Variants in ATP10A observed in about 807,000 individuals in gnomAD.
ATP10A encodes ATPase phospholipid transporting 10A (putative), also known as phospholipid-transporting ATPase VA.
A neutral mutation model predicts 147.8 loss-of-function variants in ATP10A; 111 were observed. The ratio of observed to expected loss-of-function variants is 0.75; its 90% confidence interval spans 0.64 to 0.88. The LOEUF (loss-of-function observed/expected upper bound fraction) is 0.88. ATP10A is among the 40% of genes least tolerant of loss of function. The pLI, the probability that ATP10A is intolerant of heterozygous loss-of-function variation, is 0.00. For synonymous variants in ATP10A, 875 were observed against 841.6 expected (o/e 1.04, Z -0.69); for missense variants, 1,927 against 1,959.0 (o/e 0.98, Z 0.31).
intron 2 of ATP10A, among the ~76,000 whole-genome samples, chr15:25,773,606 T>G (rs868324011): frequency 6.6e-6 from 1 of 152,148 alleles, no homozygotes; most frequent in Non-Finnish European, 1.5e-5. Flanking sequence ...TGCAGAGCAA[T>G]CCACTTCTGC....
chr15:25,777,441 G>T (rs888362265), intron 2 of ATP10A, among the ~76,000 whole-genome samples: 2 of 152,040 alleles, frequency 1.3e-5, no homozygotes, highest in Non-Finnish European at 2.9e-5. Flanking sequence ...AAGGCTTCTA[G>T]CAAGTTCCAC....
At chr15:25,829,653 C>G (rs898864564) in intron 1 of ATP10A, among the ~76,000 whole-genome samples, 2 of 152,004 alleles carry the variant, frequency 1.3e-5, no homozygotes, top group Non-Finnish European at 1.5e-5. Flanking sequence ...GGAGGATCTC[C>G]CTGGGAGTGT....
rs117543809 is a variant in ATP10A, at chr15:25,854,739, T to C, written c.449+7909A>G. On this transcript the variant is annotated intron_variant, in intron 1 of 20. Coordinates refer to ENST00000555815, the MANE Select transcript of ATP10A (RefSeq NM_024490.4). ...TTCCAAGGATTTAATGAAGGATTAA[T>C]ACCAAATCTTCACAAAATCTTCCAA... Among the ~76,000 whole-genome samples the C allele has an allele frequency of 4.0e-4, 61 of 152,302 alleles. No homozygotes were observed. In the East Asian group the frequency reaches 8.9e-3, roughly 22 times the overall value.
chr15:25,765,961 C>A (rs540396121), intron 2 of ATP10A, among the ~76,000 whole-genome samples: 1 of 152,114 alleles, frequency 6.6e-6, no homozygotes, highest in Non-Finnish European at 1.5e-5. Context: ...TGTATCAGTC[C>A]GTTTTCACAT....
intron 1 of ATP10A, among the ~76,000 whole-genome samples, chr15:25,827,969 C>G (rs1388199391): frequency 6.6e-6 from 1 of 151,814 alleles, no homozygotes; most frequent in African/African-American, 2.4e-5. Flanking sequence ...TTACACTGTG[C>G]AAAAAGTAAC....
At chr15:25,703,616 T>A (rs1180658550) in intron 12 of ATP10A, among the ~76,000 whole-genome samples, 1 of 152,180 alleles carries the variant, frequency 6.6e-6, no homozygotes, top group Admixed American at 6.5e-5. Flanking sequence ...TCTAGAATGA[T>A]GGGATGGCAG....
Position 25,862,718 on chromosome 15 carries a change from G to T in ATP10A, c.379C>A (p.Leu127Met), listed in dbSNP as rs1459949588. The T allele has an allele frequency of 1.9e-6, 3 of 1,612,008 alleles. No homozygotes were observed. In the South Asian group the frequency reaches 3.3e-5, roughly 18 times the overall value. ...FILAITAFRD[L>M]WEDYSRHRSD... ...CGGTGGCGGCTGTAGTCCTCCCACA[G>T]GTCCCTGAAGGCCGTGATGGCCAGG... The change falls in exon 1 of 21, where the codon CTG becomes ATG. Residue 127 changes from leucine (L) to methionine (M), a missense_variant. Leu to Met is a conservative substitution (Grantham distance 15). Coordinates refer to ENST00000555815, the MANE Select transcript of ATP10A (RefSeq NM_024490.4).
In ATP10A at chr15:25,733,998, G is replaced by A. The variant is rs556047021; in HGVS notation, c.740+2058C>T. On this transcript the variant is annotated intron_variant, in intron 3 of 20. Transcript: ENST00000555815. ...GAGGCATCTTCCCCGGCACCCGGGG[G>A]GAGTGCAGCCAGGCCTGGGGGTACA... Among the ~76,000 whole-genome samples, 70 of 152,346 alleles carry A rather than the reference G, an allele frequency of 4.6e-4. 1 individual carries two copies. The highest frequency in any genetic ancestry group is 1.6e-3 in the African/African-American group (68 of 41,586).
Position 25,774,176 on chromosome 15 carries a change from A to T in ATP10A, c.654+6843T>A, listed in dbSNP as rs181586708. 7.7e-4 allele frequency among the ~76,000 whole-genome samples: 118 copies of T among 152,350 alleles called. 3 individuals are homozygous for T. In the East Asian group the frequency reaches 0.02, roughly 26 times the overall value. ...CTGGAATAAGAAATGATCATTTCCA[A>T]CCACACAAAAAATTTTAAGTTTCCA... On this transcript the variant is annotated intron_variant, in intron 2 of 20. Transcript: ENST00000555815.
At chr15:25,781,632 G>T (rs920181953) in intron 1 of ATP10A, among the ~76,000 whole-genome samples, 2 of 151,746 alleles carry the variant, frequency 1.3e-5, no homozygotes, top group African/African-American at 4.8e-5. Flanking sequence ...TCCAGCCTGG[G>T]CTATAGAGTG....
intron 1 of ATP10A, among the ~76,000 whole-genome samples, chr15:25,795,230 C>G (rs1259659806): frequency 1.3e-5 from 2 of 152,196 alleles, no homozygotes; most frequent in Non-Finnish European, 2.9e-5. Flanking sequence ...GCATCCCCAC[C>G]TTCTCAGCCA....
chr15:25,805,839 G>A (rs1891155846), intron 1 of ATP10A, among the ~76,000 whole-genome samples: 1 of 152,074 alleles, frequency 6.6e-6, no homozygotes, highest in Non-Finnish European at 1.5e-5. Flanking sequence ...CCCAAACAGA[G>A]ACTAAAGGAA....
intron 1 of ATP10A, among the ~76,000 whole-genome samples, chr15:25,847,248 C>G (rs1893063452): frequency 6.6e-6 from 1 of 152,204 alleles, no homozygotes; most frequent in African/African-American, 2.4e-5. Context: ...GCCAGTGGCC[C>G]TGAGTAACAT....
Position 25,780,971 on chromosome 15 carries a change from C to T in ATP10A, c.654+48G>A, listed in dbSNP as rs777137487. 3.2e-6 allele frequency: 5 copies of T among 1,586,438 alleles called. No homozygotes were observed. The South Asian group carries it at 5.6e-5, about 18-fold the overall frequency. On this transcript the variant is annotated intron_variant, in intron 2 of 20. Coordinates refer to ENST00000555815, the MANE Select transcript of ATP10A (RefSeq NM_024490.4). Reference sequence around the variant, plus strand: ...GCCCCAGAAGGCTGTCATGGGGACACTGTGTGGCTGTAATGCCTGCAAGGC... The same window carrying T: ...GCCCCAGAAGGCTGTCATGGGGACATTGTGTGGCTGTAATGCCTGCAAGGC...
chr15:25,725,641 T>TC (rs1038930597), intron 5 of ATP10A, among the ~76,000 whole-genome samples: 7 of 151,300 alleles, frequency 4.6e-5, no homozygotes, highest in East Asian at 1.9e-4. Flanking sequence ...TTTCTTTCTT[T>TC]TTTTTTTTTT....
At chr15:25,779,907 G>A (rs1028052520) in intron 2 of ATP10A, among the ~76,000 whole-genome samples, 11 of 149,148 alleles carry the variant, frequency 7.4e-5, no homozygotes, top group South Asian at 6.3e-4. Flanking sequence ...AAATCATGGC[G>A]GAAATCAGCC....
At chr15:25,828,397 A>T (rs1227561582) in intron 1 of ATP10A, among the ~76,000 whole-genome samples, 1 of 152,254 alleles carries the variant, frequency 6.6e-6, no homozygotes, top group Non-Finnish European at 1.5e-5. Context: ...AAGCTAAGCC[A>T]TAGAACAAAA....
chr15:25,716,655 C>A (rs1434726703), intron 9 of ATP10A, 75 bp downstream of exon 9: 5 of 1,387,116 alleles, frequency 3.6e-6, no homozygotes, highest in Non-Finnish European at 4.9e-6. Context: ...AGGGCGCCTG[C>A]CCTCAGGAGG....
At chr15:25,826,910 G>A (rs993488187) in intron 1 of ATP10A, among the ~76,000 whole-genome samples, 2 of 152,144 alleles carry the variant, frequency 1.3e-5, no homozygotes, top group African/African-American at 4.8e-5. Flanking sequence ...TTCCTAGTTA[G>A]ATAAACTCAA....
Sources: allele counts gnomAD v4.1 joint callset (sites outside exome capture counted in the v4.1 genomes callset), GRCh38; gene constraint gnomAD v4.1.1; transcripts MANE v1.5; gene names NCBI Gene and HGNC (gene_info 2026-07-23, HGNC 2026-07-21).